The following CCDC148 variants were observed in gnomAD, a reference collection of about 807,000 sequenced individuals.
CCDC148 encodes the protein coiled-coil domain containing 148, also known as coiled-coil domain-containing protein 148.
Under a neutral mutation model 85.7 loss-of-function variants are expected in CCDC148, and 89 were observed. The ratio of observed to expected loss-of-function variants is 1.04; its 90% CI spans 0.87 to 1.24. The LOEUF (loss-of-function observed/expected upper bound fraction) is 1.24, where lower values mean the gene tolerates loss of function less well. CCDC148 is among the 50% of genes most tolerant of loss of function. The pLI is 0.00. For synonymous variants in CCDC148, 230 were observed against 213.9 expected (o/e 1.08, Z -0.66); for missense variants, 692 against 671.7 (o/e 1.03, Z -0.33).
chr2:158,190,792 T>C (rs917673226), intron 11 of CCDC148, among the ~76,000 whole-genome samples: 3 of 152,016 alleles, frequency 2.0e-5, no homozygotes, highest in African/African-American at 7.2e-5. Flanking sequence ...AAAATAATGC[T>C]TTTAAAAGTA....
At chr2:158,244,808 T>G (rs897130132) in intron 10 of CCDC148, among the ~76,000 whole-genome samples, 15 of 152,142 alleles carry the variant, frequency 9.9e-5, no homozygotes, top group South Asian at 2.1e-4. Flanking sequence ...GGAGGGTGAG[T>G]AGGGGATCCT....
chr2:158,340,812 A>T (rs1682646815), intron 3 of CCDC148, 132 bp from the exon 4 acceptor site: 1 of 621,434 alleles, frequency 1.6e-6, no homozygotes, highest in East Asian at 2.9e-5. Context: ...CTAAATTCCT[A>T]ACATGGCTTG....
rs1491394641 is a variant in CCDC148 at position 158,433,304 on chromosome 2, A to AAT, written c.25+23110_25+23111insAT. Among the ~76,000 whole-genome samples the AAT allele has an allele frequency of 1.2e-3, 149 of 120,934 alleles. 2 individuals carry two copies. The highest frequency in any genetic ancestry group is 3.8e-3 in the African/African-American group (141 of 37,100). 79.3% of individuals were successfully genotyped at this position (120,934 alleles called of 152,430 possible). On this transcript the variant is annotated intron_variant, in intron 1 of 13. Transcript: ENST00000283233. The stretch of plus-strand genomic sequence containing the variant: ...AAACAAAAGCACAAATAAAAGAAAA[A>AAT]CAATACAGTGGACTTTATCAAAATT...
chr2:158,363,693 C>T (rs935754735), intron 1 of CCDC148, among the ~76,000 whole-genome samples: 14 of 152,038 alleles, frequency 9.2e-5, no homozygotes, highest in African/African-American at 3.1e-4. Flanking sequence ...TATGATAAAC[C>T]CACAACCAAT....
Position 158,338,979 on chromosome 2 carries a change from A to G in CCDC148, c.582+11T>C. The G allele has an allele frequency of 6.2e-7, 1 of 1,609,222 alleles. No individual in the cohort carries two copies. The highest frequency in any genetic ancestry group is 8.5e-7 in the Non-Finnish European group (1 of 1,176,702). On this transcript the variant is annotated intron_variant, in intron 6 of 13. Coordinates refer to ENST00000283233, the MANE Select transcript of CCDC148 (RefSeq NM_138803.4). ...GATAAACACATAAATTATTAGCCACATCACACTTACCTTTATACTCCAGTC... is the reference window on the plus strand; with the variant it reads ...GATAAACACATAAATTATTAGCCACGTCACACTTACCTTTATACTCCAGTC...
intron 2 of CCDC148, among the ~76,000 whole-genome samples, chr2:158,352,518 T>G (rs1191800293): frequency 1.4e-4 from 21 of 151,248 alleles, no homozygotes; most frequent in African/African-American, 4.1e-4. Context: ...AGAAGGGAAG[T>G]TTAGAGAAAA....
intron 11 of CCDC148, among the ~76,000 whole-genome samples, chr2:158,190,432 C>T (rs1457505581): frequency 6.6e-6 from 1 of 151,886 alleles, no homozygotes; most frequent in Non-Finnish European, 1.5e-5. Context: ...GCAAAACAAA[C>T]CAAAAACCCA....
intron 1 of CCDC148, among the ~76,000 whole-genome samples, chr2:158,406,613 CTTTTTTTTTT>C (rs61612452): frequency 4.5e-4 from 14 of 31,454 alleles, no homozygotes; most frequent in Non-Finnish European, 7.1e-4. Context: ...GATTAAATTT[CTTTTTTTTTT>C]TTTTTTTTTT....
At chr2:158,252,219 A>G (rs917680067) in intron 9 of CCDC148, among the ~76,000 whole-genome samples, 1 of 151,850 alleles carries the variant, frequency 6.6e-6, no homozygotes, top group Non-Finnish European at 1.5e-5. Context: ...AAGTGACTCT[A>G]AAGTTCATTT....
intron 9 of CCDC148, among the ~76,000 whole-genome samples, chr2:158,304,655 A>G (rs1340930155): frequency 6.6e-6 from 1 of 152,238 alleles, no homozygotes; most frequent in African/African-American, 2.4e-5. Context: ...ATTTAGGTGT[A>G]GAAAGTTAGA....
At chr2:158,176,722 A>G in intron 12 of CCDC148, 61 bp from the exon 13 acceptor site, 2 of 1,578,330 alleles carry the variant, frequency 1.3e-6, no homozygotes, top group Non-Finnish European at 1.7e-6. Context: ...TCTGGGCAAC[A>G]TTATTGATGT....
intron 10 of CCDC148, among the ~76,000 whole-genome samples, chr2:158,223,446 C>T (rs1345789259): frequency 6.6e-6 from 1 of 152,162 alleles, no homozygotes; most frequent in East Asian, 1.9e-4. Context: ...CTTAAATGTC[C>T]CTGTCTGACA....
Position 158,313,914 on chromosome 2 carries a change from C to T in CCDC148, c.765-20G>A. ...CAGTTTCTAGAAGCAACAAAAATGTCACAACATATTATTGAGCAATCATGA... is the reference window on the plus strand; with the variant it reads ...CAGTTTCTAGAAGCAACAAAAATGTTACAACATATTATTGAGCAATCATGA... On this transcript the variant is annotated intron_variant, in intron 7 of 13. Coordinates refer to ENST00000283233, the MANE Select transcript of CCDC148 (RefSeq NM_138803.4). 1 of 1,607,074 alleles carries T rather than the reference C, an allele frequency of 6.2e-7. No homozygotes were observed. The highest frequency in any genetic ancestry group is 8.5e-7 in the Non-Finnish European group (1 of 1,176,410).
chr2:158,330,447 A>T (rs554948934), intron 7 of CCDC148, among the ~76,000 whole-genome samples: 35 of 152,306 alleles, frequency 2.3e-4, no homozygotes, highest in African/African-American at 8.4e-4. Flanking sequence ...AATGTTTATC[A>T]GCGATATTGG....
intron 9 of CCDC148, among the ~76,000 whole-genome samples, chr2:158,286,841 T>A (rs1033125596): frequency 6.6e-6 from 1 of 152,064 alleles, no homozygotes; most frequent in Non-Finnish European, 1.5e-5. Flanking sequence ...TCTAGGATTA[T>A]GGGTCTGAGT....
chr2:158,437,328 C>T (rs1687707320), intron 1 of CCDC148, among the ~76,000 whole-genome samples: 1 of 152,156 alleles, frequency 6.6e-6, no homozygotes, highest in Non-Finnish European at 1.5e-5. Context: ...TCAACATACG[C>T]AAATCAATAA....
chr2:158,283,437 AAAAC>A (rs1460593637), intron 9 of CCDC148, among the ~76,000 whole-genome samples: 3 of 150,434 alleles, frequency 2.0e-5, no homozygotes, highest in African/African-American at 7.3e-5. Context: ...TTACAAGTGA[AAAAC>A]AACGCCATCA....
At chr2:158,313,666 G>A in intron 8 of CCDC148, 90 bp downstream of exon 8, 1 of 1,251,684 alleles carries the variant, frequency 8.0e-7, no homozygotes, top group South Asian at 1.8e-5. Context: ...AATTTTTAAA[G>A]AACCATTGAA....
chr2:158,298,553 A>G (rs1691302448), intron 9 of CCDC148, among the ~76,000 whole-genome samples: 1 of 151,578 alleles, frequency 6.6e-6, no homozygotes, highest in Admixed American at 6.6e-5. Flanking sequence ...CTTTCACTTT[A>G]TTATTTTTTC....
Sources: gnomAD v4.1 joint callset for allele counts (sites outside exome capture counted in the v4.1 genomes callset) on GRCh38, gnomAD v4.1.1 for gene constraint, MANE v1.5 for transcripts, NCBI Gene and HGNC (gene_info 2026-07-23, HGNC 2026-07-21) for gene names.